The following TNNI3K variants were observed in gnomAD, a reference collection of about 807,000 sequenced individuals.
TNNI3K encodes serine/threonine-protein kinase TNNI3K.
TNNI3K carries 140 observed loss-of-function variants against 114.5 expected under a neutral mutation model. The observed-to-expected ratio is 1.22, with a 90% CI of 1.07 to 1.41. TNNI3K has a LOEUF of 1.41. Ranked by LOEUF, TNNI3K falls within the 40% of genes most tolerant of loss-of-function variation. The pLI is 0.00. For synonymous variants in TNNI3K, 347 were observed against 347.5 expected, an observed-to-expected ratio of 1.00 and a Z score of 0.02; for missense variants, 1,125 against 1,007.6, an observed-to-expected ratio of 1.12 and a Z score of -1.58.
intron 5 of TNNI3K, among the ~76,000 whole-genome samples, chr1:74,296,104 G>A (rs997005982): frequency 2.6e-5 from 4 of 151,808 alleles, no homozygotes; most frequent in Non-Finnish European, 4.4e-5. Flanking sequence ...TTGAAACCCC[G>A]GCACTACTAA....
chr1:74,516,216 A>G (rs1169535698), intron 23 of TNNI3K, among the ~76,000 whole-genome samples: 1 of 152,198 alleles, frequency 6.6e-6, no homozygotes, highest in Non-Finnish European at 1.5e-5. Flanking sequence ...TTAGCCAGGA[A>G]AAAAAATTTT....
chr1:74,411,545 T>G (rs970613355), intron 17 of TNNI3K, among the ~76,000 whole-genome samples: 2 of 148,368 alleles, frequency 1.3e-5, no homozygotes, highest in Non-Finnish European at 3.0e-5. Flanking sequence ...TGTCCAGAAA[T>G]AATGGCCTTA....
At chr1:74,388,460 G>T (rs963487652) in intron 17 of TNNI3K, among the ~76,000 whole-genome samples, 1 of 151,986 alleles carries the variant, frequency 6.6e-6, no homozygotes, top group Non-Finnish European at 1.5e-5. Flanking sequence ...AATAGTCCAA[G>T]GTCAATATTA....
intron 17 of TNNI3K, among the ~76,000 whole-genome samples, chr1:74,390,956 T>C (rs1413039335): frequency 1.4e-5 from 1 of 73,270 alleles, no homozygotes; most frequent in Non-Finnish European, 2.6e-5. Flanking sequence ...AAAAAATATA[T>C]TTTTTTCCGA....
At chr1:74,480,443 T>G (rs1668430800) in intron 21 of TNNI3K, 1 of 717,440 alleles carries the variant, frequency 1.4e-6, no homozygotes, top group African/African-American at 1.7e-5. Flanking sequence ...AAGGATTAAC[T>G]GCTTCAGTGG....
chr1:74,429,478 A>G (rs17095291), intron 17 of TNNI3K, among the ~76,000 whole-genome samples: 3,438 of 152,178 alleles, frequency 0.023, 123 homozygotes, highest in African/African-American at 0.08. Flanking sequence ...ATGTTCAGGT[A>G]TCCCATTGAG....
intron 17 of TNNI3K, among the ~76,000 whole-genome samples, chr1:74,385,456 A>G (rs17095238): frequency 0.072 from 10,968 of 152,234 alleles, 574 homozygotes; most frequent in African/African-American, 0.14. Flanking sequence ...AGAAAGAGGT[A>G]TGTAAAGTAA....
At chr1:74,495,780 C>G (rs898106227) in intron 23 of TNNI3K, among the ~76,000 whole-genome samples, 1 of 152,136 alleles carries the variant, frequency 6.6e-6, no homozygotes, top group African/African-American at 2.4e-5. Context: ...GTTCCAGAAG[C>G]TTGAAATATT....
chr1:74,353,619 A>C (rs971220138), intron 10 of TNNI3K, among the ~76,000 whole-genome samples: 1 of 149,372 alleles, frequency 6.7e-6, no homozygotes, highest in South Asian at 2.1e-4. Flanking sequence ...GACTGACCAC[A>C]CTGCTCTGCC....
At chr1:74,342,798 A>T in intron 7 of TNNI3K, 44 bp from the exon 8 acceptor site, 1 of 1,609,524 alleles carries the variant, frequency 6.2e-7, no homozygotes, top group Admixed American at 1.7e-5. Flanking sequence ...TTGAGAAACA[A>T]ACAATTCTAG....
At chr1:74,470,026 A>G in intron 21 of TNNI3K, 1 of 400,734 alleles carries the variant, frequency 2.5e-6, no homozygotes, top group Non-Finnish European at 4.4e-6. Context: ...TAACCCTGGT[A>G]AGAAGGAAAG....
At chr1:74,255,142 C>G (rs1301821920) in intron 4 of TNNI3K, among the ~76,000 whole-genome samples, 1 of 152,034 alleles carries the variant, frequency 6.6e-6, no homozygotes, top group Admixed American at 6.6e-5. Flanking sequence ...ATCACGAGGT[C>G]AGGAGATCGA....
chr1:74,448,583 G>A (rs1666826468), intron 20 of TNNI3K, among the ~76,000 whole-genome samples: 1 of 140,404 alleles, frequency 7.1e-6, no homozygotes, highest in Admixed American at 7.2e-5. Flanking sequence ...CATTCAGTAT[G>A]ATATTGGCTG....
At chr1:74,543,808 A>G (rs1646756293) in intron 24 of TNNI3K, 98 bp from the exon 25 acceptor site, 10 of 1,364,974 alleles carry the variant, frequency 7.3e-6, no homozygotes, top group East Asian at 7.0e-5. Flanking sequence ...GTCTGTTCAC[A>G]TGATCTGGAA....
At chr1:74,524,654 G>A (rs1031165602) in intron 23 of TNNI3K, among the ~76,000 whole-genome samples, 14 of 126,868 alleles carry the variant, frequency 1.1e-4, no homozygotes, top group South Asian at 9.0e-4. Flanking sequence ...TTACTTTTAG[G>A]TTCTGGAGAT....
intron 19 of TNNI3K, 109 bp downstream of exon 19, chr1:74,436,635 C>A: frequency 8.4e-7 from 1 of 1,186,264 alleles, no homozygotes; most frequent in Non-Finnish European, 1.2e-6. Context: ...ATGTCATTGT[C>A]TCAGTGTTGG....
intron 4 of TNNI3K, among the ~76,000 whole-genome samples, chr1:74,257,956 C>T (rs1021906732): frequency 1.3e-5 from 2 of 152,086 alleles, no homozygotes; most frequent in African/African-American, 2.4e-5. Context: ...CGTGAGCCAC[C>T]GTGCCCGGCC....
chr1:74,410,072 G>A (rs1664810879), intron 17 of TNNI3K, among the ~76,000 whole-genome samples: 1 of 152,142 alleles, frequency 6.6e-6, no homozygotes, highest in African/African-American at 2.4e-5. Flanking sequence ...AAGCATACAT[G>A]TAAGAACAAT....
rs575937260 is a variant in TNNI3K, at chr1:74,474,364, G to A, written c.2121+10814G>A. On this transcript the variant is annotated intron_variant, in intron 21 of 24. Transcript: ENST00000326637. ...TGAAATCATCAACCCCCAGACACTG[G>A]TAAGAACTGGAGTGTGGGAATGCAA... is the stretch of plus-strand genomic sequence containing the variant. 3.9e-5 allele frequency among the ~76,000 whole-genome samples: 6 copies of A among 152,208 alleles called. No homozygotes were observed. In the South Asian group the frequency reaches 1.2e-3, roughly 32 times the overall value.
Sources: gnomAD v4.1 joint callset for allele counts (sites outside exome capture counted in the v4.1 genomes callset) on GRCh38, gnomAD v4.1.1 for gene constraint, MANE v1.5 for transcripts, NCBI Gene and HGNC (gene_info 2026-07-23, HGNC 2026-07-21) for gene names.